Variants in TMEM230 observed in about 807,000 individuals in gnomAD.
The protein encoded by TMEM230 is UPF0414 transmembrane protein C20orf30.
TMEM230 carries 10 observed loss-of-function variants against 15.8 expected under a neutral mutation model. The observed-to-expected ratio is 0.63, with a 90% CI of 0.39 to 1.07. The LOEUF is 1.07. TMEM230 is among the 50% of genes least tolerant of loss of function. TMEM230 has a pLI of 0.01. For synonymous variants in TMEM230, 67 were observed against 76.9 expected (o/e 0.87, Z 0.68); for missense variants, 165 against 193.3 (o/e 0.85, Z 0.87).
chr20:5,108,864 T>C (rs1198489362), intron 3 of TMEM230, among the ~76,000 whole-genome samples: 1 of 152,196 alleles, frequency 6.6e-6, no homozygotes, highest in Non-Finnish European at 1.5e-5. Flanking sequence ...TTGGATCTCA[T>C]GACATCAGGA....
chr20:5,089,419 G>T (rs186347768), intron 3 of TMEM230, among the ~76,000 whole-genome samples: 96 of 151,866 alleles, frequency 6.3e-4, no homozygotes, highest in African/African-American at 2.3e-3. Context: ...AGAGTAGAAG[G>T]CTGGGTATAG....
chr20:5,112,477 A>G (rs1387161460), intron 1 of TMEM230, among the ~76,000 whole-genome samples: 1 of 152,258 alleles, frequency 6.6e-6, no homozygotes, highest in Non-Finnish European at 1.5e-5. Flanking sequence ...CTGTTCATAC[A>G]TCCGCATCAA....
chr20:5,081,082 T>C (rs1441346644), intron 3 of TMEM230, among the ~76,000 whole-genome samples: 2 of 152,228 alleles, frequency 1.3e-5, no homozygotes, highest in African/African-American at 4.8e-5. Flanking sequence ...GATTAATTCA[T>C]GACAATTGGA....
downstream of TMEM230, among the ~76,000 whole-genome samples, chr20:5,095,707 G>T (rs1443255779): frequency 1.3e-5 from 2 of 152,174 alleles, no homozygotes; most frequent in Non-Finnish European, 2.9e-5. Flanking sequence ...ACACTGACAT[G>T]CAACTAACAG....
In TMEM230 at chr20:5,112,999, G is replaced by T; in HGVS notation, c.30C>A (p.Gly10=). ...CAGGCCGCCCGCACACCCAGAGCTC[G>T]CCCACGGTTGGCAGCGCCCAAGGTT... Residue 10 remains glycine (G), a synonymous_variant, in exon 1 of 5, where the codon GGC becomes GGA. Transcript: ENST00000342308. The T allele has an allele frequency of 6.4e-7, 1 of 1,550,564 alleles. No homozygotes were observed. Among genetic ancestry groups the T allele is most frequent in the Non-Finnish European group, 8.7e-7 (1 of 1,147,544 alleles).
chr20:5,089,056 G>A (rs113772671), intron 3 of TMEM230, among the ~76,000 whole-genome samples: 3,170 of 152,242 alleles, frequency 0.021, 98 homozygotes, highest in African/African-American at 0.07. Flanking sequence ...TGTGAAAAAG[G>A]GTCCTTGGAC....
At chr20:5,094,633 T>G (rs921481568) in intron 3 of TMEM230, among the ~76,000 whole-genome samples, 5 of 137,678 alleles carry the variant, frequency 3.6e-5, no homozygotes, top group African/African-American at 1.4e-4. Context: ...CTTGAACATG[T>G]GAGGCAGAGG....
At chr20:5,090,435 C>T (rs773867936) in intron 3 of TMEM230, among the ~76,000 whole-genome samples, 13 of 152,164 alleles carry the variant, frequency 8.5e-5, no homozygotes, top group Admixed American at 2.6e-4. Flanking sequence ...GAAGGCACTA[C>T]AGTCACTTCC....
intron 3 of TMEM230, among the ~76,000 whole-genome samples, chr20:5,080,978 A>G (rs554569305): frequency 6.6e-6 from 1 of 152,320 alleles, no homozygotes; most frequent in African/African-American, 2.4e-5. Flanking sequence ...TTGAGAACAA[A>G]CATTTAGCAG....
intron 3 of TMEM230, among the ~76,000 whole-genome samples, chr20:5,093,619 C>A (rs2089576622): frequency 6.6e-6 from 1 of 151,864 alleles, no homozygotes; most frequent in African/African-American, 2.4e-5. Flanking sequence ...TCACTGCAAC[C>A]TCCACCTCCC....
chr20:5,073,625 C>T (rs577932856), intron 3 of TMEM230, among the ~76,000 whole-genome samples: 2 of 152,328 alleles, frequency 1.3e-5, no homozygotes, highest in African/African-American at 4.8e-5. Flanking sequence ...CAAAGGCTAG[C>T]CTAAGGCTTG....
chr20:5,069,751 C>T (rs1450564715), intron 3 of TMEM230, among the ~76,000 whole-genome samples: 1 of 151,690 alleles, frequency 6.6e-6, no homozygotes, highest in Non-Finnish European at 1.5e-5. Context: ...CCTCTGTTAC[C>T]TAGGCTGGAG....
At chr20:5,099,426 T>C (rs1568496719), downstream of TMEM230, among the ~76,000 whole-genome samples, 1 of 151,892 alleles carries the variant, frequency 6.6e-6, no homozygotes, top group Non-Finnish European at 1.5e-5. Context: ...GTCCCTAATC[T>C]TGGAGGCTGC....
At chr20:5,072,065 G>GT (rs2088845770) in intron 3 of TMEM230, among the ~76,000 whole-genome samples, 1 of 150,146 alleles carries the variant, frequency 6.7e-6, no homozygotes, top group South Asian at 2.1e-4. Context: ...TTGAGTTTTT[G>GT]TTGAAGATAG....
At chr20:5,079,448 T>A (rs1269177861) in intron 3 of TMEM230, among the ~76,000 whole-genome samples, 1 of 152,236 alleles carries the variant, frequency 6.6e-6, no homozygotes, top group Non-Finnish European at 1.5e-5. Context: ...TGGAATTGCA[T>A]TTGTAGATGA....
intron 3 of TMEM230, among the ~76,000 whole-genome samples, chr20:5,083,351 T>TTC (rs1323982199): frequency 1.3e-5 from 2 of 150,552 alleles, no homozygotes; most frequent in African/African-American, 2.5e-5. Flanking sequence ...AGAAAAACAG[T>TTC]TCTCTCTCTC....
At chr20:5,094,399 CCTGG>C (rs1194959905) in intron 3 of TMEM230, among the ~76,000 whole-genome samples, 5 of 151,890 alleles carry the variant, frequency 3.3e-5, no homozygotes, top group South Asian at 2.1e-4. Flanking sequence ...CACCACCACA[CCTGG>C]CTAATTTTTA....
At chr20:5,064,358 C>T (rs1340692526), downstream of TMEM230, among the ~76,000 whole-genome samples, 2 of 151,958 alleles carry the variant, frequency 1.3e-5, no homozygotes, top group African/African-American at 4.8e-5. Flanking sequence ...AGGTGGATCA[C>T]CTGAGTTCGA....
At chr20:5,082,593 C>A (rs11905559) in intron 3 of TMEM230, among the ~76,000 whole-genome samples, 10,176 of 151,980 alleles carry the variant, frequency 0.067, 915 homozygotes, top group African/African-American at 0.21. Flanking sequence ...CAGGTGCCCA[C>A]CACCACACCC....
Sources: allele counts gnomAD v4.1 joint callset (sites outside exome capture counted in the v4.1 genomes callset), GRCh38; gene constraint gnomAD v4.1.1; transcripts MANE v1.5; gene names NCBI Gene and HGNC (gene_info 2026-07-23, HGNC 2026-07-21).